Variants in SOS1 observed in about 807,000 individuals in gnomAD.
SOS1 encodes SOS Ras/Rac guanine nucleotide exchange factor 1, also known as son of sevenless homolog 1.
In SOS1, 25 loss-of-function variants were observed where a neutral mutation model predicts 157.6. The observed-to-expected ratio is 0.16, with a 90% confidence interval of 0.12 to 0.22. SOS1 has a LOEUF of 0.22. SOS1 is among the 10% of genes least tolerant of loss of function. SOS1 has a pLI of 1.00. For synonymous variants in SOS1, 528 were observed against 534.0 expected (o/e 0.99, Z 0.16); for missense variants, 1,237 against 1,599.1 (o/e 0.77, Z 3.86).
chr2:39,061,009 A>C, intron 2 of SOS1, among the ~76,000 whole-genome samples: 1 of 152,136 alleles, frequency 6.6e-6, no homozygotes, highest in African/African-American at 2.4e-5. Context: ...AAGAAAAAGA[A>C]AACAGAACAG....
At chr2:39,114,240 T>C (rs975509819) in intron 1 of SOS1, among the ~76,000 whole-genome samples, 1 of 151,390 alleles carries the variant, frequency 6.6e-6, no homozygotes, top group African/African-American at 2.4e-5. Flanking sequence ...GGACCACAGG[T>C]GCGTGCCACC....
At chr2:39,077,771 A>G (rs1672066266) in intron 1 of SOS1, among the ~76,000 whole-genome samples, 1 of 152,212 alleles carries the variant, frequency 6.6e-6, no homozygotes, top group Non-Finnish European at 1.5e-5. Flanking sequence ...TTGGCAAATT[A>G]TTCCCTATCA....
chr2:39,015,814 T>C (rs998778412), intron 10 of SOS1, among the ~76,000 whole-genome samples: 1 of 149,334 alleles, frequency 6.7e-6, no homozygotes. Flanking sequence ...TTTTTTTTTT[T>C]TTTTTTTTTT....
chr2:39,022,725 C>T lies in SOS1; in HGVS notation c.1703G>A (p.Arg568Lys). 1 of 1,613,782 alleles carries T rather than the reference C, an allele frequency of 6.2e-7. No homozygotes were observed. The highest frequency in any genetic ancestry group is 8.5e-7 in the Non-Finnish European group (1 of 1,179,736). Residue 568 changes from arginine (R) to lysine (K), a missense_variant, in exon 10 of 23, where the codon AGG (arginine) becomes AAG (lysine). Transcript: ENST00000402219. ...MLQEEKEEQM[R>K]LPSADVYRFA... ...TCTATAAACATCAGCACTAGGCAGC[C>T]TCATCTGCTCCTCTTTCTCTTCCTG...
chr2:39,016,967 T>G (rs557328425), intron 10 of SOS1, among the ~76,000 whole-genome samples: 1 of 152,126 alleles, frequency 6.6e-6, no homozygotes. Context: ...CCATTTCAGT[T>G]CTTTAGTAAT....
At chr2:39,066,383 C>T (rs1161780022) in intron 2 of SOS1, among the ~76,000 whole-genome samples, 1 of 152,208 alleles carries the variant, frequency 6.6e-6, no homozygotes, top group Non-Finnish European at 1.5e-5. Context: ...GTACTGTACA[C>T]TTGAAGTCAT....
intron 2 of SOS1, among the ~76,000 whole-genome samples, chr2:39,059,985 G>A (rs944566801): frequency 6.6e-6 from 1 of 152,112 alleles, no homozygotes; most frequent in Non-Finnish European, 1.5e-5. Flanking sequence ...CCAGCCTCAT[G>A]CAGTAAAACG....
intron 1 of SOS1, among the ~76,000 whole-genome samples, chr2:39,077,664 T>C (rs1269548448): frequency 6.6e-6 from 1 of 152,134 alleles, no homozygotes; most frequent in African/African-American, 2.4e-5. Flanking sequence ...AATGGAGAGC[T>C]TGTATACAGA....
At chr2:39,121,926 A>T (rs1209387133), upstream of SOS1, among the ~76,000 whole-genome samples, 1 of 152,226 alleles carries the variant, frequency 6.6e-6, no homozygotes, top group African/African-American at 2.4e-5. Context: ...GTATCATCTC[A>T]TTTAATCCCC....
chr2:39,114,977 G>T (rs7589303), intron 1 of SOS1, among the ~76,000 whole-genome samples: 12,206 of 151,906 alleles, frequency 0.08, 1,751 homozygotes, highest in African/African-American at 0.28. Flanking sequence ...CTTGCTTCTC[G>T]GTCTCCTTAC....
At chr2:38,987,362 C>T (rs2124458242) in intron 22 of SOS1, 111 bp downstream of exon 22, 1 of 708,594 alleles carries the variant, frequency 1.4e-6, no homozygotes, top group Non-Finnish European at 2.6e-6. Context: ...ACTATTAAGC[C>T]TGTATACTCT....
chr2:39,096,740 G>T (rs577498256), intron 1 of SOS1, among the ~76,000 whole-genome samples: 5 of 152,190 alleles, frequency 3.3e-5, no homozygotes, highest in African/African-American at 1.2e-4. Flanking sequence ...AAAAAAATTA[G>T]CCGGATGTGG....
chr2:39,115,101 T>A (rs1673595515), intron 1 of SOS1, among the ~76,000 whole-genome samples: 1 of 152,188 alleles, frequency 6.6e-6, no homozygotes, highest in African/African-American at 2.4e-5. Flanking sequence ...TGTGGTCTCA[T>A]CTACTTTTTA....
intron 10 of SOS1, 67 bp downstream of exon 10, chr2:39,022,503 C>A (rs781532289): frequency 1.6e-6 from 2 of 1,253,784 alleles, no homozygotes; most frequent in Non-Finnish European, 2.3e-6. Context: ...CACAATAAAC[C>A]CATGCAGGAA....
intron 1 of SOS1, among the ~76,000 whole-genome samples, chr2:39,071,555 T>C (rs1007193861): frequency 6.6e-6 from 1 of 152,186 alleles, no homozygotes; most frequent in African/African-American, 2.4e-5. Context: ...AAATCTCAAA[T>C]GTTAGAGAAG....
chr2:39,113,983 C>T (rs1397832987), intron 1 of SOS1, among the ~76,000 whole-genome samples: 3 of 152,234 alleles, frequency 2.0e-5, no homozygotes, highest in Non-Finnish European at 2.9e-5. Context: ...CACAATAAAA[C>T]TGCTCTGACA....
chr2:39,048,406 T>C (rs1670874292), intron 6 of SOS1, among the ~76,000 whole-genome samples: 1 of 152,064 alleles, frequency 6.6e-6, no homozygotes, highest in Admixed American at 6.6e-5. Context: ...AGATTTTCTT[T>C]TTTTTTTTCT....
chr2:39,123,737 G>C (rs1487797244), upstream of SOS1, among the ~76,000 whole-genome samples: 2 of 152,190 alleles, frequency 1.3e-5, no homozygotes, highest in Non-Finnish European at 2.9e-5. Context: ...CACACAGTAG[G>C]TAGCAATAAA....
chr2:39,062,434 T>TA (rs1558495363), intron 2 of SOS1, among the ~76,000 whole-genome samples: 37 of 17,822 alleles, frequency 2.1e-3, no homozygotes, highest in African/African-American at 6.3e-3. Context: ...AAAAAAAAAA[T>TA]TAAAAAAAAA....
Sources: allele counts gnomAD v4.1 joint callset (sites outside exome capture counted in the v4.1 genomes callset), GRCh38; gene constraint gnomAD v4.1.1; transcripts MANE v1.5; gene names NCBI Gene and HGNC (gene_info 2026-07-23, HGNC 2026-07-21).